Variants in FMO5 observed in about 807,000 individuals in gnomAD.
FMO5 encodes the protein flavin containing dimethylaniline monoxygenase 5, also known as flavin-containing monooxygenase 5.
Under a neutral mutation model 43.6 loss-of-function variants are expected in FMO5, and 51 were observed. That is an observed-to-expected ratio of 1.17 (90% CI 0.93 to 1.48). FMO5 has a LOEUF of 1.48. Ranked by LOEUF, FMO5 falls within the 40% of genes most tolerant of loss-of-function variation. FMO5 has a pLI of 0.00. For synonymous variants in FMO5, 187 were observed against 216.5 expected (o/e 0.86, Z 1.20); for missense variants, 644 against 643.0 (o/e 1.00, Z -0.02).
At chr1:147,210,856 T>C in intron 5 of FMO5, 1 of 152,134 alleles carries the variant, frequency 6.6e-6, no homozygotes, top group East Asian at 1.9e-4. Flanking sequence ...ATAAGGAAAA[T>C]TGTTTAATCA....
At chr1:147,223,858 C>T (rs1259090548) in intron 2 of FMO5, 2 of 332,046 alleles carry the variant, frequency 6.0e-6, no homozygotes, top group Admixed American at 8.3e-5. Flanking sequence ...CCCACAAGCA[C>T]AGACCAGAGA....
rs1204907492 is a variant in FMO5 at position 147,215,902 on chromosome 1, A to C, written c.176T>G (p.Val59Gly). Residue 59 changes from valine (V) to glycine (G), a missense_variant, in exon 3 of 9, where the codon GTG becomes GGG. Transcript: ENST00000254090. ...EEGRASIYKS[V>G]IINTSKEMMC... Reference sequence around the variant, plus strand: ...CATCTCTTTAGAAGTATTGATGATCACTGATTTGTAAATACTGGCCCTTCC... The same window carrying C: ...CATCTCTTTAGAAGTATTGATGATCCCTGATTTGTAAATACTGGCCCTTCC... The C allele has an allele frequency of 1.2e-6, 2 of 1,612,470 alleles. No individual in the cohort carries two copies. The highest frequency in any genetic ancestry group is 2.7e-5 in the African/African-American group (2 of 74,886).
At chr1:147,193,544 T>G (rs771093329) in intron 7 of FMO5, among the ~76,000 whole-genome samples, 6 of 152,174 alleles carry the variant, frequency 3.9e-5, no homozygotes, top group African/African-American at 4.8e-5. Flanking sequence ...CTTGCCTTCT[T>G]CTAGCTTTTG....
rs587604810 is a variant in FMO5, at chr1:147,203,867, C to T, written c.831-2363G>A. The stretch of plus-strand genomic sequence containing the variant: ...CTTAAAAACCACCACCTGAGTATCT[C>T]CAACTTCTGAGAGGTAAACACTGTC... On this transcript the variant is annotated intron_variant, in intron 6 of 8. Transcript: ENST00000254090. 370 of 1,581,442 alleles carry T rather than the reference C, an allele frequency of 2.3e-4. 3 individuals are homozygous for T. The highest frequency in any genetic ancestry group is 6.9e-6 in the Non-Finnish European group (8 of 1,151,432).
intron 8 of FMO5, among the ~76,000 whole-genome samples, chr1:147,187,949 G>C (rs1655921178): frequency 6.6e-6 from 1 of 152,188 alleles, no homozygotes; most frequent in South Asian, 2.1e-4. Context: ...GTAGGACAGA[G>C]AGGAAGAGAA....
chr1:147,204,627 G>A (rs1449541290), intron 6 of FMO5: 34 of 1,590,414 alleles, frequency 2.1e-5, no homozygotes, highest in Non-Finnish European at 2.9e-5. Context: ...CCAGAACAAT[G>A]TTTGTGCCAT....
chr1:147,186,517 G>A lies in FMO5; in HGVS notation c.*383C>T. ...AAAATCAAACCCTATCAGAAGAAGA[G>A]TTACGTGGAGTAAGCGATTTTATAC... On this transcript the variant is annotated 3_prime_UTR_variant, in exon 9 of 9. Transcript: ENST00000254090. 1.0e-6 allele frequency: 1 copy of A among 995,302 alleles called. No homozygotes were observed. Among genetic ancestry groups the A allele is most frequent in the Non-Finnish European group, 1.2e-6 (1 of 836,768 alleles). 61.7% of individuals were successfully genotyped at this position (995,302 alleles called of 1,614,324 possible).
chr1:147,209,436 T>TAAAAA (rs1660730643), intron 5 of FMO5, among the ~76,000 whole-genome samples: 2 of 9,872 alleles, frequency 2.0e-4, no homozygotes, highest in Admixed American at 7.7e-4. Flanking sequence ...AGACTCCGTC[T>TAAAAA]CAAAAAAAAA....
At chr1:147,200,156 T>C (rs782376863) in intron 7 of FMO5, among the ~76,000 whole-genome samples, 3 of 152,212 alleles carry the variant, frequency 2.0e-5, no homozygotes, top group African/African-American at 7.2e-5. Flanking sequence ...CATTGGCTGA[T>C]AGGAAAAAGG....
chr1:147,209,137 A>G (rs1660623594), intron 5 of FMO5, 86 bp from the exon 6 acceptor site: 6 of 1,213,538 alleles, frequency 4.9e-6, no homozygotes, highest in South Asian at 1.4e-5. Flanking sequence ...GAATCATTTC[A>G]GGCCCGGCGC....
chr1:147,199,468 G>A (rs587666595), intron 7 of FMO5, among the ~76,000 whole-genome samples: 2 of 152,258 alleles, frequency 1.3e-5, no homozygotes, highest in South Asian at 2.1e-4. Context: ...AGCATAGGAA[G>A]CTGGGCTTTT....
At chr1:147,203,600 A>G (rs1659439129) in intron 6 of FMO5, 1 of 1,138,582 alleles carries the variant, frequency 8.8e-7, no homozygotes, top group East Asian at 2.3e-5. Context: ...AATAGCTTCA[A>G]ACGCCTCAGC....
intron 5 of FMO5, chr1:147,211,434 T>C (rs1553923712): frequency 1.3e-5 from 2 of 152,206 alleles, no homozygotes; most frequent in Non-Finnish European, 2.9e-5. Context: ...TGAAGTATCA[T>C]ATGAAATAAT....
chr1:147,214,567 C>T (rs186777367), intron 3 of FMO5, among the ~76,000 whole-genome samples: 13 of 152,118 alleles, frequency 8.5e-5, no homozygotes, highest in African/African-American at 2.4e-4. Flanking sequence ...GTGCCTCTGC[C>T]GAGATCACCC....
intron 7 of FMO5, among the ~76,000 whole-genome samples, chr1:147,191,528 GTTGT>G (rs1247000455): frequency 4.2e-5 from 6 of 144,046 alleles, no homozygotes; most frequent in Non-Finnish European, 7.8e-5. Context: ...TTTTGATGGG[GTTGT>G]TTGTTTTTTT....
intron 6 of FMO5, among the ~76,000 whole-genome samples, chr1:147,205,734 T>C (rs1659879594): frequency 6.6e-6 from 1 of 152,158 alleles, no homozygotes; most frequent in Admixed American, 6.5e-5. Flanking sequence ...TGAAACTTGA[T>C]CCCTTCCTTA....
rs150263622 is a variant in FMO5 at position 147,218,903 on chromosome 1, T to G, written c.136-2961A>C. On this transcript the variant is annotated intron_variant, in intron 2 of 8. Coordinates refer to ENST00000254090, the MANE Select transcript of FMO5 (RefSeq NM_001461.4). ...TTTCTAATTTCTCCAGAGAATTAGA[T>G]TCCGCTATTCATCCTCCAAGCTCCC... is the stretch of plus-strand genomic sequence containing the variant. 6.0e-3 allele frequency among the ~76,000 whole-genome samples: 907 copies of G among 152,318 alleles called. 4 individuals carry two copies. The highest frequency in any genetic ancestry group is 0.01 in the Middle Eastern group (3 of 294).
rs1553920832 is a variant in FMO5, at chr1:147,201,242, T to C, written c.1093A>G (p.Thr365Ala). 2 of 1,614,094 alleles carry C rather than the reference T, an allele frequency of 1.2e-6. No individual in the cohort carries two copies. Among genetic ancestry groups the C allele is most frequent in the Admixed American group, 1.7e-5 (1 of 60,010 alleles). ...KVFPPNLERP[T>A]LAIIGLIQPL... ...TGAATCAAGCCTATGATTGCAAGAGTTGGCCTTTCCAGGTTAGGAGGGAAG... is the reference window on the plus strand; with the variant it reads ...TGAATCAAGCCTATGATTGCAAGAGCTGGCCTTTCCAGGTTAGGAGGGAAG... Residue 365 changes from threonine (T) to alanine (A), a missense_variant, in exon 7 of 9, where the codon ACT (threonine) becomes GCT (alanine). Physicochemically the swap from Thr to Ala is moderately conservative, Grantham distance 58. Coordinates refer to ENST00000254090, the MANE Select transcript of FMO5 (RefSeq NM_001461.4).
intron 3 of FMO5, among the ~76,000 whole-genome samples, chr1:147,213,833 A>C (rs1408157713): frequency 1.3e-5 from 2 of 151,948 alleles, no homozygotes; most frequent in Non-Finnish European, 2.9e-5. Context: ...CCTGACCCCT[A>C]TATGTCCTGA....
Sources: gnomAD v4.1 joint callset for allele counts (sites outside exome capture counted in the v4.1 genomes callset) on GRCh38, gnomAD v4.1.1 for gene constraint, MANE v1.5 for transcripts, NCBI Gene and HGNC (gene_info 2026-07-23, HGNC 2026-07-21) for gene names.